Variants in C1orf21 observed in about 807,000 individuals in gnomAD.
C1orf21 encodes uncharacterized protein C1orf21.
A neutral mutation model predicts 18.7 loss-of-function variants in C1orf21; 3 were observed. The ratio of observed to expected loss-of-function variants is 0.16; its 90% CI spans 0.07 to 0.42. The LOEUF (loss-of-function observed/expected upper bound fraction) is 0.42, where lower values mean the gene tolerates loss of function less well. Ranked by LOEUF, C1orf21 falls within the 10% of genes least tolerant of loss-of-function variation. The pLI, the probability that C1orf21 is intolerant of heterozygous loss-of-function variation, is 0.99. For synonymous variants in C1orf21, 41 were observed against 46.4 expected (o/e 0.88, Z 0.47); for missense variants, 104 against 143.6 (o/e 0.72, Z 1.41).
At chr1:184,610,787 G>A (rs1190577140) in intron 5 of C1orf21, among the ~76,000 whole-genome samples, 1 of 150,580 alleles carries the variant, frequency 6.6e-6, no homozygotes, top group African/African-American at 2.5e-5. Flanking sequence ...GGCGGAGCTT[G>A]TAGTGAGCCG....
chr1:184,410,653 ATATATATATATT>A (rs1343378769), intron 1 of C1orf21, among the ~76,000 whole-genome samples: 3 of 5,896 alleles, frequency 5.1e-4, no homozygotes, highest in South Asian at 5.6e-3. Context: ...ATATATATAT[ATATATATATATT>A]TTTTTTTTTT....
At position 184,627,083 on chromosome 1, in the gene C1orf21, C is replaced by T. The variant is rs1235844129; in HGVS notation, c.*7527C>T. On this transcript the variant is annotated 3_prime_UTR_variant, in exon 6 of 6. Coordinates refer to ENST00000235307, the MANE Select transcript of C1orf21 (RefSeq NM_030806.4). ...CCAAAGAAAGGAGATTTTTAAAAAG[C>T]ACAGACAAATTGTATGCAAGTGGAA... 1 of 152,518 alleles carries T rather than the reference C, an allele frequency of 6.6e-6. No homozygotes were observed. Among genetic ancestry groups the T allele is most frequent in the Non-Finnish European group, 1.5e-5 (1 of 68,060 alleles). The allele number at this position is 152,518 out of a possible 1,614,324, so 9.4% of individuals were successfully genotyped here.
At chr1:184,525,058 C>T (rs1327449355) in intron 3 of C1orf21, among the ~76,000 whole-genome samples, 1 of 151,712 alleles carries the variant, frequency 6.6e-6, no homozygotes, top group Admixed American at 6.6e-5. Flanking sequence ...TCTTACACAT[C>T]ATGTTTTTGC....
chr1:184,594,739 T>C (rs1659490175), intron 4 of C1orf21, among the ~76,000 whole-genome samples: 1 of 152,152 alleles, frequency 6.6e-6, no homozygotes, highest in South Asian at 2.1e-4. Context: ...CCAGTTGTCT[T>C]TAGCTCAAAA....
At chr1:184,590,656 C>A (rs1013048345) in intron 3 of C1orf21, 83 bp from the exon 4 acceptor site, 1 of 1,370,008 alleles carries the variant, frequency 7.3e-7, no homozygotes. Flanking sequence ...ACAGATTGAA[C>A]GTTTGTGTGA....
chr1:184,400,045 T>G (rs1170584727), intron 1 of C1orf21, among the ~76,000 whole-genome samples: 1 of 152,204 alleles, frequency 6.6e-6, no homozygotes, highest in African/African-American at 2.4e-5. Context: ...CATTATGAAC[T>G]TGTGGATTTT....
At chr1:184,570,324 A>C (rs941083370) in intron 3 of C1orf21, among the ~76,000 whole-genome samples, 1 of 152,136 alleles carries the variant, frequency 6.6e-6, no homozygotes, top group African/African-American at 2.4e-5. Flanking sequence ...ATTATGTTAA[A>C]TATGCTGAAA....
chr1:184,620,675 A>G lies in C1orf21; in HGVS notation c.*1119A>G, dbSNP rs922747004. ...CAAAAGTGTTTGCCTACTCAAAAAC[A>G]TAATACTTTTATGCTGATGATGGTA... is the stretch of plus-strand genomic sequence containing the variant. On this transcript the variant is annotated 3_prime_UTR_variant, in exon 6 of 6. Coordinates refer to ENST00000235307, the MANE Select transcript of C1orf21 (RefSeq NM_030806.4). The G allele has an allele frequency of 2.6e-5, 4 of 152,630 alleles. No homozygotes were observed. Among genetic ancestry groups the G allele is most frequent in the South Asian group, 2.1e-4 (1 of 4,830 alleles). 9.5% of individuals were successfully genotyped at this position (152,630 alleles called of 1,614,324 possible).
At chr1:184,499,966 T>A in intron 2 of C1orf21, among the ~76,000 whole-genome samples, 1 of 152,128 alleles carries the variant, frequency 6.6e-6, no homozygotes. Flanking sequence ...GTCCCAGCAG[T>A]TCTTCAGTGG....
intron 2 of C1orf21, among the ~76,000 whole-genome samples, chr1:184,499,292 T>C (rs1294631527): frequency 6.6e-6 from 1 of 152,224 alleles, no homozygotes; most frequent in Non-Finnish European, 1.5e-5. Flanking sequence ...GAAGTTACTT[T>C]AAGACAAGTT....
At chr1:184,543,618 G>A (rs763532810) in intron 3 of C1orf21, among the ~76,000 whole-genome samples, 3 of 152,008 alleles carry the variant, frequency 2.0e-5, no homozygotes, top group Non-Finnish European at 2.9e-5. Context: ...TAAGAGGTAG[G>A]TTTATTTTTA....
At chr1:184,468,402 G>T (rs553234775) in intron 1 of C1orf21, among the ~76,000 whole-genome samples, 1 of 152,056 alleles carries the variant, frequency 6.6e-6, no homozygotes, top group East Asian at 1.9e-4. Context: ...TATTAAGGAG[G>T]GGGAAAAAAG....
At chr1:184,437,666 A>G (rs1374678464) in intron 1 of C1orf21, among the ~76,000 whole-genome samples, 1 of 152,116 alleles carries the variant, frequency 6.6e-6, no homozygotes, top group Non-Finnish European at 1.5e-5. Context: ...GACCAGTTTC[A>G]TGGAAGACAA....
intron 5 of C1orf21, among the ~76,000 whole-genome samples, chr1:184,609,506 G>A (rs1314261890): frequency 6.6e-6 from 1 of 152,196 alleles, no homozygotes; most frequent in Non-Finnish European, 1.5e-5. Flanking sequence ...ATTTGCTAAA[G>A]CCATTGTCCA....
At chr1:184,450,981 G>A (rs1033054207) in intron 1 of C1orf21, among the ~76,000 whole-genome samples, 6 of 152,106 alleles carry the variant, frequency 3.9e-5, no homozygotes, top group African/African-American at 9.7e-5. Flanking sequence ...GGGTTCAAGC[G>A]ATTCTCCAAC....
At chr1:184,558,188 A>G (rs1284622284) in intron 3 of C1orf21, among the ~76,000 whole-genome samples, 2 of 152,162 alleles carry the variant, frequency 1.3e-5, no homozygotes, top group Non-Finnish European at 2.9e-5. Context: ...AGTAGAAGTC[A>G]CCTTAGCTTT....
intron 1 of C1orf21, among the ~76,000 whole-genome samples, chr1:184,392,819 C>CTTTTTT (rs397861528): frequency 1.1e-4 from 11 of 96,824 alleles, no homozygotes; most frequent in African/African-American, 3.7e-4. Flanking sequence ...GACATTCCTC[C>CTTTTTT]TTTTTTTTTT....
chr1:184,472,864 A>G (rs1571374710), intron 1 of C1orf21, among the ~76,000 whole-genome samples: 1 of 152,228 alleles, frequency 6.6e-6, no homozygotes. Context: ...CCCTTCTGAT[A>G]TCTGAAGCAC....
intron 5 of C1orf21, among the ~76,000 whole-genome samples, chr1:184,609,659 T>C (rs1659698949): frequency 6.6e-6 from 1 of 152,256 alleles, no homozygotes; most frequent in East Asian, 1.9e-4. Context: ...CCCTTTTAAT[T>C]AAGTCCAACA....
Sources: allele counts gnomAD v4.1 joint callset (sites outside exome capture counted in the v4.1 genomes callset), GRCh38; gene constraint gnomAD v4.1.1; transcripts MANE v1.5; gene names NCBI Gene and HGNC (gene_info 2026-07-23, HGNC 2026-07-21).